The following CA5A variants were observed in gnomAD, a reference collection of about 807,000 sequenced individuals.
The protein encoded by CA5A is carbonic anhydrase 5A, also known as carbonic anhydrase 5A, mitochondrial.
Under a neutral mutation model 37.1 loss-of-function variants are expected in CA5A, and 28 were observed. The ratio of observed to expected loss-of-function variants is 0.75; its 90% CI spans 0.56 to 1.03. The LOEUF (loss-of-function observed/expected upper bound fraction) is 1.03. Among genes scored for constraint, CA5A ranks in the 50% least tolerant of loss-of-function variants. The pLI, the probability that CA5A is intolerant of heterozygous loss-of-function variation, is 0.00. For synonymous variants in CA5A, 171 were observed against 158.4 expected, an observed-to-expected ratio of 1.08 and a Z score of -0.60; for missense variants, 444 against 399.9, an observed-to-expected ratio of 1.11 and a Z score of -0.94.
chr16:87,927,169 C>A (rs927936979), intron 1 of CA5A, among the ~76,000 whole-genome samples: 2 of 152,258 alleles, frequency 1.3e-5, no homozygotes, highest in Non-Finnish European at 2.9e-5. Context: ...TCTTTCCCAC[C>A]CGGAAGCAAC....
intron 2 of CA5A, among the ~76,000 whole-genome samples, chr16:87,907,857 C>T (rs564495350): frequency 3.9e-5 from 6 of 152,148 alleles, no homozygotes; most frequent in African/African-American, 4.8e-5. Flanking sequence ...ACTTGGCAGG[C>T]GGAGGTTGCA....
At chr16:87,903,359 C>G (rs973004633) in intron 3 of CA5A, among the ~76,000 whole-genome samples, 3 of 151,926 alleles carry the variant, frequency 2.0e-5, no homozygotes, top group Non-Finnish European at 4.4e-5. Flanking sequence ...TGAACCTGGG[C>G]AGCAGAGGTT....
intron 2 of CA5A, among the ~76,000 whole-genome samples, chr16:87,912,399 T>C (rs1464385518): frequency 4.6e-5 from 7 of 152,210 alleles, no homozygotes; most frequent in Admixed American, 2.0e-4. Flanking sequence ...CTGAAGCAGA[T>C]ACCACGATTC....
chr16:87,917,693 AC>A (rs1319477381), intron 2 of CA5A, among the ~76,000 whole-genome samples: 2 of 150,086 alleles, frequency 1.3e-5, no homozygotes, highest in African/African-American at 4.9e-5. Context: ...CACAATGCAC[AC>A]CCGCACACGA....
chr16:87,896,105 C>T (rs566077622), intron 5 of CA5A, among the ~76,000 whole-genome samples: 7 of 152,342 alleles, frequency 4.6e-5, no homozygotes, highest in African/African-American at 1.4e-4. Context: ...TTCAGAACAA[C>T]CCTTTGAGAA....
intron 2 of CA5A, among the ~76,000 whole-genome samples, chr16:87,915,212 G>A (rs1347418555): frequency 2.0e-5 from 3 of 152,192 alleles, no homozygotes; most frequent in African/African-American, 7.2e-5. Flanking sequence ...AGCGGTCCCT[G>A]GGAAACAATC....
intron 2 of CA5A, among the ~76,000 whole-genome samples, chr16:87,907,077 G>C (rs2055971930): frequency 6.6e-6 from 1 of 152,158 alleles, no homozygotes; most frequent in Non-Finnish European, 1.5e-5. Context: ...AATTAGCCAG[G>C]TGTATTGGTG....
chr16:87,906,673 A>G (rs1210164997), intron 2 of CA5A, among the ~76,000 whole-genome samples: 1 of 152,076 alleles, frequency 6.6e-6, no homozygotes, highest in Admixed American at 6.6e-5. Context: ...GTAAACTGGA[A>G]AATGGAAAAT....
At chr16:87,928,149 C>T (rs1005379281) in intron 1 of CA5A, among the ~76,000 whole-genome samples, 8 of 152,172 alleles carry the variant, frequency 5.3e-5, no homozygotes, top group Non-Finnish European at 1.0e-4. Flanking sequence ...CTGAGCTAAA[C>T]CAGTTCTTAA....
rs375031969 is a variant in CA5A at position 87,904,293 on chromosome 16, G to A, written c.459+493C>T. Among the ~76,000 whole-genome samples the A allele has an allele frequency of 3.2e-3, 482 of 151,704 alleles. 4 individuals carry two copies. Among genetic ancestry groups the A allele is most frequent in the South Asian group, 0.019 (92 of 4,810 alleles). ...GGAGACGGAGGTTGTGGTGAGCCAAGATTGCACCAATGCACTCCAGTCTGG... is the reference window on the plus strand; with the variant it reads ...GGAGACGGAGGTTGTGGTGAGCCAAAATTGCACCAATGCACTCCAGTCTGG... On this transcript the variant is annotated intron_variant, in intron 3 of 6. Transcript: ENST00000649794.
chr16:87,933,595 C>T lies in CA5A; in HGVS notation c.142+2714G>A, dbSNP rs565569123. ...ATGGGTTCTTGCTATGTTGCCCAGG[C>T]TGATCTTGAACTCCTGTGCTTGAGC... On this transcript the variant is annotated intron_variant, in intron 1 of 6. Transcript: ENST00000649794. Among the ~76,000 whole-genome samples, 50 of 151,610 alleles carry T rather than the reference C, an allele frequency of 3.3e-4. 1 individual carries two copies. The highest frequency in any genetic ancestry group is 1.2e-3 in the African/African-American group (48 of 41,320).
intron 1 of CA5A, among the ~76,000 whole-genome samples, chr16:87,932,228 C>T (rs755001950): frequency 2.6e-5 from 4 of 152,166 alleles, no homozygotes; most frequent in Admixed American, 6.5e-5. Context: ...TCCTACCTGC[C>T]GGGCAAGGGG....
intron 2 of CA5A, among the ~76,000 whole-genome samples, chr16:87,918,428 C>CA: frequency 6.7e-6 from 1 of 149,776 alleles, no homozygotes; most frequent in Non-Finnish European, 1.5e-5. Context: ...CCTTGGCCTT[C>CA]AAGGCCATAC....
intron 2 of CA5A, among the ~76,000 whole-genome samples, chr16:87,914,061 TGGGTCTGGGAA>T (rs1567527775): frequency 1.3e-5 from 2 of 152,260 alleles, no homozygotes; most frequent in South Asian, 2.1e-4. Context: ...GTGCCAGGGC[TGGGTCTGGGAA>T]GGGTCTGGGA....
At chr16:87,914,359 C>G (rs989211398) in intron 2 of CA5A, among the ~76,000 whole-genome samples, 5 of 152,200 alleles carry the variant, frequency 3.3e-5, no homozygotes, top group African/African-American at 1.2e-4. Context: ...CGTCAGGCAA[C>G]CGCCAGCAGC....
At chr16:87,931,989 C>T (rs1279930139) in intron 1 of CA5A, among the ~76,000 whole-genome samples, 1 of 137,418 alleles carries the variant, frequency 7.3e-6, no homozygotes, top group African/African-American at 2.5e-5. Flanking sequence ...GCCTGTAATC[C>T]CAGCTACTCA....
At chr16:87,921,875 A>ATT (rs145678279) in intron 2 of CA5A, among the ~76,000 whole-genome samples, 47,938 of 145,948 alleles carry the variant, frequency 0.33, 9,541 homozygotes, top group Non-Finnish European at 0.45. Flanking sequence ...TATTATTATT[A>ATT]TTATTTTTGA....
intron 2 of CA5A, among the ~76,000 whole-genome samples, chr16:87,914,432 G>A (rs1018795448): frequency 1.3e-5 from 2 of 152,332 alleles, no homozygotes; most frequent in African/African-American, 4.8e-5. Flanking sequence ...CACGCGGCGG[G>A]TGCAGATGCG....
chr16:87,915,049 A>G (rs2056115369), intron 2 of CA5A, among the ~76,000 whole-genome samples: 1 of 152,216 alleles, frequency 6.6e-6, no homozygotes, highest in Non-Finnish European at 1.5e-5. Flanking sequence ...TGAGCGTTTC[A>G]CGGACATGGC....
Sources: gnomAD v4.1 joint callset for allele counts (sites outside exome capture counted in the v4.1 genomes callset) on GRCh38, gnomAD v4.1.1 for gene constraint, MANE v1.5 for transcripts, NCBI Gene and HGNC (gene_info 2026-07-23, HGNC 2026-07-21) for gene names.